CGNL1: variants seen among roughly 807,000 people sequenced by gnomAD.
The protein encoded by CGNL1 is cingulin like 1.
A neutral mutation model predicts 141.2 loss-of-function variants in CGNL1; 132 were observed. The ratio of observed to expected loss-of-function variants is 0.93; its 90% CI spans 0.81 to 1.08. The LOEUF (loss-of-function observed/expected upper bound fraction) is 1.08, where lower values mean the gene tolerates loss of function less well. Ranked by LOEUF, CGNL1 falls within the 50% of genes least tolerant of loss-of-function variation. The probability of loss-of-function intolerance (pLI) is 0.00; values close to 1 mark genes in which losing one functional copy is unlikely to be tolerated. For synonymous variants in CGNL1, 690 were observed against 622.1 expected (o/e 1.11, Z -1.63); for missense variants, 1,870 against 1,588.6 (o/e 1.18, Z -3.01).
At chr15:57,519,958 A>C (rs369344969) in intron 10 of CGNL1, among the ~76,000 whole-genome samples, 1 of 152,236 alleles carries the variant, frequency 6.6e-6, no homozygotes, top group African/African-American at 2.4e-5. Context: ...TGCACAGAAC[A>C]GGTGATGGCC....
At chr15:57,409,037 TCACACACACACA>T (rs59988268) in intron 1 of CGNL1, among the ~76,000 whole-genome samples, 8 of 141,836 alleles carry the variant, frequency 5.6e-5, no homozygotes, top group East Asian at 4.4e-4. Context: ...TGAGACTCTG[TCACACACACACA>T]CACACACACA....
chr15:57,502,074 C>T (rs192419151), intron 8 of CGNL1, among the ~76,000 whole-genome samples: 54 of 152,228 alleles, frequency 3.5e-4, no homozygotes, highest in Admixed American at 7.8e-4. Flanking sequence ...TTGCAGGGAG[C>T]GTTGTTTTGA....
intron 1 of CGNL1, among the ~76,000 whole-genome samples, chr15:57,403,620 C>A (rs143173362): frequency 1.3e-5 from 2 of 152,096 alleles, no homozygotes; most frequent in African/African-American, 2.4e-5. Context: ...CCATGGCAGA[C>A]CTCAGTGGCT....
At chr15:57,493,034 G>A (rs1285383615) in intron 8 of CGNL1, among the ~76,000 whole-genome samples, 2 of 152,206 alleles carry the variant, frequency 1.3e-5, no homozygotes, top group Non-Finnish European at 2.9e-5. Context: ...GCTGCTAAAT[G>A]TGAGTGTATG....
chr15:57,395,519 T>C (rs1467900641), intron 1 of CGNL1, among the ~76,000 whole-genome samples: 1 of 152,208 alleles, frequency 6.6e-6, no homozygotes, highest in Admixed American at 6.6e-5. Context: ...AGCCTTTGCG[T>C]CTGGCCTTGA....
At chr15:57,430,960 G>A (rs1003619013) in intron 1 of CGNL1, among the ~76,000 whole-genome samples, 2 of 152,120 alleles carry the variant, frequency 1.3e-5, no homozygotes, top group African/African-American at 4.8e-5. Flanking sequence ...GGCCGCAGGT[G>A]ATCAACCTGC....
rs370397905 is a variant in CGNL1, at chr15:57,442,460, C to T, written c.1785C>T (p.Ser595=). Residue 595 remains serine (S), a synonymous_variant, in exon 4 of 19, where the codon AGC becomes AGT. Coordinates refer to ENST00000281282, the MANE Select transcript of CGNL1 (RefSeq NM_032866.5). Reference sequence around the variant, plus strand: ...CCTTAAAGTCTCGAGCAGCTGGGAGCGCCCAAGGAAATAACCAAGTAAATG... The same window carrying T: ...CCTTAAAGTCTCGAGCAGCTGGGAGTGCCCAAGGAAATAACCAAGTAAATG... ...IQTLKSRAAG[S]AQGNNQACNS... is the part of the protein sequence containing the mutation. 6.9e-5 allele frequency: 111 copies of T among 1,610,390 alleles called. No homozygotes were observed. The Middle Eastern group carries it at 8.3e-4, about 12-fold the overall frequency.
chr15:57,515,938 G>C (rs1391634380), intron 8 of CGNL1, among the ~76,000 whole-genome samples: 1 of 151,984 alleles, frequency 6.6e-6, no homozygotes, highest in East Asian at 1.9e-4. Flanking sequence ...GCAGACAGAT[G>C]ATGAGCTCAG....
chr15:57,483,177 A>G (rs193051588), intron 8 of CGNL1, among the ~76,000 whole-genome samples: 5 of 152,344 alleles, frequency 3.3e-5, no homozygotes, highest in Admixed American at 1.3e-4. Context: ...TATGTTGAGT[A>G]TTCCAGTCCA....
In CGNL1 at chr15:57,439,523, C is replaced by A. The variant is rs761009584; in HGVS notation, c.1524C>A (p.Asn508Lys). 3.1e-6 allele frequency: 5 copies of A among 1,614,184 alleles called. No homozygotes were observed. The East Asian group carries it at 1.1e-4, about 36-fold the overall frequency. ...KTATATLMLQ[N>K]RATATSPDSG... is the part of the protein sequence containing the mutation. ...CCACCGCTACGCTGATGTTACAGAA[C>A]CGGGCAACAGCAACTTCGCCTGATT... Residue 508 changes from asparagine to lysine, a missense_variant, in exon 2 of 19, where the codon AAC (asparagine) becomes AAA (lysine). Transcript: ENST00000281282.
intron 8 of CGNL1, among the ~76,000 whole-genome samples, chr15:57,468,751 A>G (rs2063543289): frequency 6.6e-6 from 1 of 151,954 alleles, no homozygotes; most frequent in Admixed American, 6.6e-5. Flanking sequence ...CTTGAATTGT[A>G]CTCTCATAAT....
chr15:57,512,328 T>C (rs80204669), intron 8 of CGNL1, among the ~76,000 whole-genome samples: 2 of 152,112 alleles, frequency 1.3e-5, no homozygotes, highest in Non-Finnish European at 2.9e-5. Context: ...TTAGGTATGG[T>C]TTCAGGAAAG....
chr15:57,411,975 C>G (rs2062793657), intron 1 of CGNL1, among the ~76,000 whole-genome samples: 1 of 152,194 alleles, frequency 6.6e-6, no homozygotes, highest in Admixed American at 6.5e-5. Context: ...TCTGTGTTTG[C>G]TGTCGATTAT....
chr15:57,543,575 C>T, intron 14 of CGNL1, 121 bp from the exon 15 acceptor site: 1 of 798,850 alleles, frequency 1.3e-6, no homozygotes, highest in East Asian at 2.7e-5. Flanking sequence ...GCACGAGGGG[C>T]TGGGTAGGGC....
At chr15:57,442,843 G>A (rs990080755) in intron 4 of CGNL1, among the ~76,000 whole-genome samples, 6 of 152,098 alleles carry the variant, frequency 3.9e-5, no homozygotes, top group East Asian at 1.9e-4. Context: ...GGTCTCGAAC[G>A]TCTGGGCTCA....
chr15:57,498,579 G>A (rs1197087445), intron 8 of CGNL1, among the ~76,000 whole-genome samples: 1 of 152,086 alleles, frequency 6.6e-6, no homozygotes, highest in Non-Finnish European at 1.5e-5. Context: ...GCCAGACACT[G>A]TATTAAGCCT....
chr15:57,458,340 A>T (rs1280419), intron 7 of CGNL1, among the ~76,000 whole-genome samples: 95,593 of 151,994 alleles, frequency 0.63, 30,077 homozygotes, highest in Admixed American at 0.67. Context: ...AGTGAAGTTT[A>T]TGAAACATCG....
At chr15:57,463,071 T>A (rs1359628710) in intron 8 of CGNL1, among the ~76,000 whole-genome samples, 1 of 152,178 alleles carries the variant, frequency 6.6e-6, no homozygotes, top group South Asian at 2.1e-4. Context: ...TTTTTCTCCT[T>A]TGGACCCATA....
At chr15:57,476,450 A>G (rs1217121074) in intron 8 of CGNL1, among the ~76,000 whole-genome samples, 3 of 152,184 alleles carry the variant, frequency 2.0e-5, no homozygotes, top group Admixed American at 2.0e-4. Context: ...GTTTGCATTC[A>G]TGTATTTATT....
Sources: gnomAD v4.1 joint callset for allele counts (sites outside exome capture counted in the v4.1 genomes callset) on GRCh38, gnomAD v4.1.1 for gene constraint, MANE v1.5 for transcripts, NCBI Gene and HGNC (gene_info 2026-07-23, HGNC 2026-07-21) for gene names.